HMSD: variants seen among roughly 807,000 people sequenced by gnomAD.
HMSD encodes histocompatibility minor serpin domain containing.
HMSD carries 13 observed loss-of-function variants against 10.0 expected under a neutral mutation model. The ratio of observed to expected loss-of-function variants is 1.31; its 90% CI spans 0.85 to 2.08. The LOEUF (loss-of-function observed/expected upper bound fraction) is 2.08, where lower values mean the gene tolerates loss of function less well. Ranked by LOEUF, HMSD falls within the 30% of genes most tolerant of loss-of-function variation. HMSD has a pLI of 0.00. For synonymous variants in HMSD, 51 were observed against 54.2 expected, an observed-to-expected ratio of 0.94 and a Z score of 0.26; for missense variants, 169 against 166.3, an observed-to-expected ratio of 1.02 and a Z score of -0.09.
At chr18:63,966,879 T>C (rs1389597634) in intron 3 of HMSD, 1 of 152,234 alleles carries the variant, frequency 6.6e-6, no homozygotes, top group East Asian at 1.9e-4. Context: ...CTGCAAAATA[T>C]AAGGAACAGC....
At position 63,954,485 on chromosome 18, in the gene HMSD, C is replaced by T. The variant is rs778761552; in HGVS notation, c.150C>T (p.Asn50=). The change falls in exon 3 of 4, where the codon AAC becomes AAT. Residue 50 remains asparagine (N), a synonymous_variant. Coordinates refer to ENST00000408945, the MANE Select transcript of HMSD (RefSeq NM_001123366.2). ...RGFQSLLVAI[N]RTDTEYVLRT... Reference sequence around the variant, plus strand: ...TTCAGTCACTTCTTGTTGCAATTAACAGAACTGACACTGAATATGTGCTTA... The same window carrying T: ...TTCAGTCACTTCTTGTTGCAATTAATAGAACTGACACTGAATATGTGCTTA... The T allele has an allele frequency of 6.2e-7, 1 of 1,613,400 alleles. No individual in the cohort carries two copies. Among genetic ancestry groups the T allele is most frequent in the Non-Finnish European group, 8.5e-7 (1 of 1,179,360 alleles).
chr18:63,954,077 T>C (rs1413782419), intron 2 of HMSD, among the ~76,000 whole-genome samples: 3 of 152,294 alleles, frequency 2.0e-5, no homozygotes, highest in African/African-American at 7.2e-5. Context: ...ACAGGACACA[T>C]GGTTGGCAGC....
intron 3 of HMSD, among the ~76,000 whole-genome samples, chr18:63,955,626 A>T (rs1330759652): frequency 6.6e-6 from 1 of 152,110 alleles, no homozygotes; most frequent in East Asian, 1.9e-4. Flanking sequence ...AACCTTTAAA[A>T]CTTTTGGAAG....
chr18:63,963,093 CTTTCTTTCTT>C (rs1568261300), downstream of HMSD, among the ~76,000 whole-genome samples: 3 of 126,872 alleles, frequency 2.4e-5, no homozygotes, highest in African/African-American at 1.1e-4. Flanking sequence ...TTCTTTCTTT[CTTTCTTTCTT>C]TCTTTCTTTC....
At chr18:63,959,103 TG>T (rs1333660851) in intron 3 of HMSD, among the ~76,000 whole-genome samples, 1 of 152,134 alleles carries the variant, frequency 6.6e-6, no homozygotes, top group Non-Finnish European at 1.5e-5. Flanking sequence ...AGTACAGTCA[TG>T]GGGGACAGCT....
In HMSD at chr18:63,953,446, T is replaced by C; in HGVS notation, c.-10T>C. On this transcript the variant is annotated 5_prime_UTR_variant, in exon 2 of 4. Transcript: ENST00000408945. ...GGGGAAAACAACTCAAACAACTTAT[T>C]TTTTTCCCCATGAGCATATCATCAG... 1.9e-6 allele frequency: 3 copies of C among 1,612,828 alleles called. No homozygotes were observed. Among genetic ancestry groups the C allele is most frequent in the Non-Finnish European group, 2.5e-6 (3 of 1,179,148 alleles).
chr18:63,966,125 G>A (rs2050408524), downstream of HMSD, among the ~76,000 whole-genome samples: 1 of 152,192 alleles, frequency 6.6e-6, no homozygotes, highest in Non-Finnish European at 1.5e-5. Context: ...CTCCCTAAGT[G>A]GAACACTGGC....
chr18:63,954,671 G>T (rs751558615), intron 3 of HMSD, 114 bp downstream of exon 3: 1 of 801,926 alleles, frequency 1.2e-6, no homozygotes, highest in Non-Finnish European at 2.0e-6. Flanking sequence ...CTCCACGCAC[G>T]AATCTCACAC....
intron 3 of HMSD, among the ~76,000 whole-genome samples, chr18:63,959,490 T>A (rs115493761): frequency 4.8e-4 from 73 of 152,350 alleles, no homozygotes; most frequent in Middle Eastern, 3.4e-3. Flanking sequence ...TTCGTTATTG[T>A]CTGAGAGCAG....
At chr18:63,952,060 A>T (rs920302391) in intron 1 of HMSD, among the ~76,000 whole-genome samples, 1 of 145,726 alleles carries the variant, frequency 6.9e-6, no homozygotes, top group Non-Finnish European at 1.5e-5. Context: ...AACACCGCAT[A>T]TTCTCACTCA....
intron 1 of HMSD, among the ~76,000 whole-genome samples, chr18:63,949,637 G>T (rs1290708775): frequency 6.6e-6 from 1 of 152,000 alleles, no homozygotes; most frequent in Non-Finnish European, 1.5e-5. Context: ...GCGCGGGGAG[G>T]GGAGGCCAGG....
At chr18:63,952,668 C>A (rs895797753) in intron 1 of HMSD, among the ~76,000 whole-genome samples, 3 of 152,156 alleles carry the variant, frequency 2.0e-5, no homozygotes, top group African/African-American at 7.2e-5. Context: ...TAAAGTGCTT[C>A]AGTAGTCATC....
chr18:63,952,864 G>A (rs530230851), intron 1 of HMSD, among the ~76,000 whole-genome samples: 2 of 151,936 alleles, frequency 1.3e-5, no homozygotes, highest in African/African-American at 4.8e-5. Context: ...TGAAAATATT[G>A]GTGTCCCAAT....
chr18:63,957,311 A>G lies in HMSD; in HGVS notation c.222+2754A>G, dbSNP rs905562939. 3.9e-5 allele frequency among the ~76,000 whole-genome samples: 6 copies of G among 152,272 alleles called. No homozygotes were observed. In the East Asian group the frequency reaches 1.2e-3, roughly 29 times the overall value. ...AATACAAAACAAGAGAAGCAACAAA[A>G]AAAAAAAATAAAAACTTTTGATTAT... On this transcript the variant is annotated intron_variant, in intron 3 of 3. Coordinates refer to ENST00000408945, the MANE Select transcript of HMSD (RefSeq NM_001123366.2).
chr18:63,960,405 T>C lies in HMSD; in HGVS notation c.*50T>C. 6.6e-7 allele frequency: 1 copy of C among 1,518,204 alleles called. No homozygotes were observed. Among genetic ancestry groups the C allele is most frequent in the Middle Eastern group, 2.3e-4 (1 of 4,304 alleles). 94.0% of individuals were successfully genotyped at this position (1,518,204 alleles called of 1,614,324 possible). A position where few individuals can be genotyped will look rare whatever the true frequency, so the allele number is the denominator to read the frequency against. On this transcript the variant is annotated 3_prime_UTR_variant, in exon 4 of 4. Transcript: ENST00000408945. Reference sequence around the variant, plus strand: ...AACTATGCAAACATTAAAACCTTTCTTTGGAAATATTGCCAACTCGTAGAC... The same window carrying C: ...AACTATGCAAACATTAAAACCTTTCCTTGGAAATATTGCCAACTCGTAGAC...
At chr18:63,953,303 C>T in intron 1 of HMSD, 51 bp from the exon 2 acceptor site, 1 of 585,188 alleles carries the variant, frequency 1.7e-6, no homozygotes, top group Non-Finnish European at 3.1e-6. Flanking sequence ...AAAGTAAATA[C>T]ACATGTAAGC....
In HMSD at chr18:63,960,571, T is replaced by C; in HGVS notation, c.*216T>C. 1.7e-6 allele frequency: 1 copy of C among 604,144 alleles called. No individual in the cohort carries two copies. The highest frequency in any genetic ancestry group is 2.5e-6 in the Non-Finnish European group (1 of 404,166). The allele number at this position is 604,144 out of a possible 1,614,324, so 37.4% of individuals were successfully genotyped here. Reference sequence around the variant, plus strand: ...TAGCGTTAAAATTTGAATTTAAAAATTTCTAGCTGTCTCCCTCACTGGTAT... The same window carrying C: ...TAGCGTTAAAATTTGAATTTAAAAACTTCTAGCTGTCTCCCTCACTGGTAT... On this transcript the variant is annotated 3_prime_UTR_variant, in exon 4 of 4. Coordinates refer to ENST00000408945, the MANE Select transcript of HMSD (RefSeq NM_001123366.2).
chr18:63,960,472 A>C lies in HMSD; in HGVS notation c.*117A>C. The C allele has an allele frequency of 2.9e-6, 4 of 1,378,408 alleles. No homozygotes were observed. The highest frequency in any genetic ancestry group is 3.8e-6 in the Non-Finnish European group (4 of 1,046,128). 85.4% of individuals were successfully genotyped at this position (1,378,408 alleles called of 1,614,324 possible). On this transcript the variant is annotated 3_prime_UTR_variant, in exon 4 of 4. Coordinates refer to ENST00000408945, the MANE Select transcript of HMSD (RefSeq NM_001123366.2). The stretch of plus-strand genomic sequence containing the variant: ...GCTTTTCCCTTATCAAGTATCTGTG[A>C]TGTCTCTCTAGATGAAATAATCTCT...
chr18:63,963,175 C>T (rs569695685), downstream of HMSD, among the ~76,000 whole-genome samples: 17 of 143,230 alleles, frequency 1.2e-4, no homozygotes, highest in East Asian at 1.2e-3. Context: ...TCTCTCTCTC[C>T]CTTCCTTCCT....
Sources: allele counts gnomAD v4.1 joint callset (sites outside exome capture counted in the v4.1 genomes callset), GRCh38; gene constraint gnomAD v4.1.1; transcripts MANE v1.5; gene names NCBI Gene and HGNC (gene_info 2026-07-23, HGNC 2026-07-21).